The following DACH1 variants were observed in gnomAD, a reference collection of about 807,000 sequenced individuals.
The protein encoded by DACH1 is dachshund family transcription factor 1.
A neutral mutation model predicts 54.2 loss-of-function variants in DACH1; 12 were observed. The ratio of observed to expected loss-of-function variants is 0.22; its 90% CI spans 0.14 to 0.36. The LOEUF (loss-of-function observed/expected upper bound fraction) is 0.36. Among genes scored for constraint, DACH1 ranks in the 10% least tolerant of loss-of-function variants. DACH1 has a pLI of 1.00. For missense variants in DACH1, 805 were observed against 929.8 expected, an observed-to-expected ratio of 0.87 and a Z score of 1.75; for synonymous variants, 386 against 366.2, an observed-to-expected ratio of 1.05 and a Z score of -0.62.
At chr13:71,610,358 T>C (rs1253419729) in intron 3 of DACH1, among the ~76,000 whole-genome samples, 3 of 152,192 alleles carry the variant, frequency 2.0e-5, no homozygotes, top group African/African-American at 4.8e-5. Flanking sequence ...AAAGTTACGA[T>C]GGTCGTGACT....
chr13:71,514,560 G>T (rs1881019676), intron 6 of DACH1, among the ~76,000 whole-genome samples: 1 of 151,612 alleles, frequency 6.6e-6, no homozygotes, highest in Non-Finnish European at 1.5e-5. Context: ...CTATAACTTT[G>T]TTAATACCAA....
intron 4 of DACH1, among the ~76,000 whole-genome samples, chr13:71,561,314 A>G (rs1884567957): frequency 6.6e-6 from 1 of 152,204 alleles, no homozygotes. Flanking sequence ...GGTCCCTATC[A>G]ATATGAATGT....
chr13:71,544,458 T>C (rs1392907877), intron 6 of DACH1, among the ~76,000 whole-genome samples: 2 of 152,112 alleles, frequency 1.3e-5, no homozygotes, highest in South Asian at 2.1e-4. Context: ...GCTTACCACA[T>C]AGCAGGTAAT....
chr13:71,609,427 G>T (rs1166056746), intron 3 of DACH1, among the ~76,000 whole-genome samples: 1 of 152,120 alleles, frequency 6.6e-6, no homozygotes, highest in Non-Finnish European at 1.5e-5. Context: ...CTATAAACAG[G>T]AAACCATGCT....
At chr13:71,789,193 T>A (rs1886729792) in intron 1 of DACH1, among the ~76,000 whole-genome samples, 1 of 152,148 alleles carries the variant, frequency 6.6e-6, no homozygotes, top group African/African-American at 2.4e-5. Flanking sequence ...GTAAAATGTA[T>A]GATTTTACTC....
intron 1 of DACH1, among the ~76,000 whole-genome samples, chr13:71,826,448 G>A (rs1376588066): frequency 2.6e-5 from 4 of 151,806 alleles, no homozygotes; most frequent in South Asian, 4.1e-4. Context: ...GATTTCTCAC[G>A]TGGCCAGCTG....
chr13:71,576,646 A>G (rs117910731), intron 3 of DACH1, among the ~76,000 whole-genome samples: 3,195 of 152,264 alleles, frequency 0.021, 57 homozygotes, highest in Non-Finnish European at 0.034. Flanking sequence ...TTACAAATAT[A>G]AAATGGTTTT....
chr13:71,624,536 T>G (rs2138552298), intron 3 of DACH1, among the ~76,000 whole-genome samples: 1 of 152,020 alleles, frequency 6.6e-6, no homozygotes, highest in South Asian at 2.1e-4. Flanking sequence ...TTGTTAAGTT[T>G]TACTCACCAG....
intron 2 of DACH1, among the ~76,000 whole-genome samples, chr13:71,674,278 C>G (rs1880408638): frequency 6.6e-6 from 1 of 152,200 alleles, no homozygotes; most frequent in African/African-American, 2.4e-5. Flanking sequence ...AAATTAAGCC[C>G]ATGTCCTAAT....
chr13:71,800,471 G>A (rs1887245725), intron 1 of DACH1, among the ~76,000 whole-genome samples: 1 of 152,012 alleles, frequency 6.6e-6, no homozygotes, highest in Non-Finnish European at 1.5e-5. Context: ...AATTTTAGAT[G>A]AACTTCTTTC....
chr13:71,450,872 A>G (rs1417285936), intron 10 of DACH1, among the ~76,000 whole-genome samples: 1 of 152,108 alleles, frequency 6.6e-6, no homozygotes, highest in Non-Finnish European at 1.5e-5. Context: ...ATTCTGTTCT[A>G]TGAAGGTTAA....
chr13:71,596,019 T>C (rs765520791), intron 3 of DACH1, among the ~76,000 whole-genome samples: 7 of 151,944 alleles, frequency 4.6e-5, no homozygotes, highest in Non-Finnish European at 7.4e-5. Context: ...GACTTTAAAG[T>C]GATGTCCCAT....
intron 6 of DACH1, among the ~76,000 whole-genome samples, chr13:71,521,168 T>C (rs988525094): frequency 6.6e-6 from 1 of 152,006 alleles, no homozygotes; most frequent in Non-Finnish European, 1.5e-5. Flanking sequence ...ATAACAGTAA[T>C]GCAGCTGTCT....
chr13:71,854,872 GATATGATTT>G (rs1873900774), intron 1 of DACH1, among the ~76,000 whole-genome samples: 1 of 152,004 alleles, frequency 6.6e-6, no homozygotes, highest in Admixed American at 6.6e-5. Context: ...CCAAAGAACT[GATATGATTT>G]TTCATCTTCA....
At chr13:71,787,153 C>T (rs1253946634) in intron 1 of DACH1, among the ~76,000 whole-genome samples, 1 of 152,140 alleles carries the variant, frequency 6.6e-6, no homozygotes, top group Non-Finnish European at 1.5e-5. Context: ...TTTCTCACAG[C>T]AGATCAAAGT....
chr13:71,816,448 T>C (rs1378153878), intron 1 of DACH1, among the ~76,000 whole-genome samples: 1 of 151,762 alleles, frequency 6.6e-6, no homozygotes, highest in Non-Finnish European at 1.5e-5. Context: ...TAAAGACACA[T>C]GCATGTGCGT....
chr13:71,492,790 G>C (rs1325323557), intron 6 of DACH1, among the ~76,000 whole-genome samples: 2 of 151,332 alleles, frequency 1.3e-5, no homozygotes, highest in African/African-American at 2.4e-5. Flanking sequence ...TGGTGTGAGG[G>C]AGGGTGCATA....
intron 1 of DACH1, among the ~76,000 whole-genome samples, chr13:71,699,695 CTT>C (rs1279856978): frequency 6.6e-6 from 1 of 152,150 alleles, no homozygotes; most frequent in African/African-American, 2.4e-5. Flanking sequence ...AATAATTTCT[CTT>C]GTTTTCAGTC....
At chr13:71,517,645 T>C (rs1485315538) in intron 6 of DACH1, among the ~76,000 whole-genome samples, 1 of 151,904 alleles carries the variant, frequency 6.6e-6, no homozygotes, top group Non-Finnish European at 1.5e-5. Flanking sequence ...CAATGTTCAC[T>C]GGAAAGGAAG....
Sources: gnomAD v4.1 joint callset for allele counts (sites outside exome capture counted in the v4.1 genomes callset) on GRCh38, gnomAD v4.1.1 for gene constraint, MANE v1.5 for transcripts, NCBI Gene and HGNC (gene_info 2026-07-23, HGNC 2026-07-21) for gene names.